The following DNAH9 variants were observed in gnomAD, a reference collection of about 807,000 sequenced individuals.
DNAH9 encodes the protein DNAH9 variant protein.
A neutral mutation model predicts 471.6 loss-of-function variants in DNAH9; 345 were observed. That is an observed-to-expected ratio of 0.73 (90% CI 0.67 to 0.80). The LOEUF is 0.80. DNAH9 is among the 30% of genes least tolerant of loss of function. The pLI, the probability that DNAH9 is intolerant of heterozygous loss-of-function variation, is 0.00. For synonymous variants in DNAH9, 2,093 were observed against 2,123.6 expected, an observed-to-expected ratio of 0.99 and a Z score of 0.40; for missense variants, 5,407 against 5,609.2, an observed-to-expected ratio of 0.96 and a Z score of 1.15.
intron 61 of DNAH9, among the ~76,000 whole-genome samples, chr17:11,907,341 A>C (rs1243937758): frequency 6.6e-6 from 1 of 152,042 alleles, no homozygotes; most frequent in Non-Finnish European, 1.5e-5. Context: ...ATGGTGGTGC[A>C]TGCCTGTAAT....
At chr17:11,643,546 T>A (rs907518684) in intron 10 of DNAH9, among the ~76,000 whole-genome samples, 57 of 152,234 alleles carry the variant, frequency 3.7e-4, no homozygotes, top group African/African-American at 1.4e-3. Context: ...GAGAAATATA[T>A]CCTTAGGCAA....
At chr17:11,723,529 G>C (rs1353037417) in intron 27 of DNAH9, 1 of 152,094 alleles carries the variant, frequency 6.6e-6, no homozygotes, top group Non-Finnish European at 1.5e-5. Flanking sequence ...CAGGCCCTGG[G>C]GTGGGGGGGA....
chr17:11,897,113 G>C (rs1973246330), intron 59 of DNAH9, among the ~76,000 whole-genome samples: 1 of 152,152 alleles, frequency 6.6e-6, no homozygotes, highest in African/African-American at 2.4e-5. Context: ...ATTAATTTTA[G>C]CAAGATATTT....
chr17:11,776,850 CACTG>C (rs760204990), intron 38 of DNAH9, among the ~76,000 whole-genome samples: 5 of 152,108 alleles, frequency 3.3e-5, no homozygotes, highest in Non-Finnish European at 7.4e-5. Flanking sequence ...AGGTTCATAA[CACTG>C]ACACCTCAAG....
intron 11 of DNAH9, among the ~76,000 whole-genome samples, chr17:11,645,879 C>CTTTTTTTTTTTTTT (rs760279719): frequency 4.2e-5 from 3 of 70,614 alleles, no homozygotes; most frequent in Admixed American, 1.3e-4. Context: ...TTTTCTTTTT[C>CTTTTTTTTTTTTTT]TTTTTTTTTT....
At chr17:11,667,168 C>T (rs993139588) in intron 15 of DNAH9, among the ~76,000 whole-genome samples, 9 of 152,018 alleles carry the variant, frequency 5.9e-5, no homozygotes, top group African/African-American at 7.2e-5. Context: ...TTTTGAATTC[C>T]GTAAACTATA....
intron 14 of DNAH9, among the ~76,000 whole-genome samples, chr17:11,658,344 T>C (rs1316785651): frequency 6.6e-6 from 1 of 152,184 alleles, no homozygotes; most frequent in East Asian, 1.9e-4. Flanking sequence ...ACAAGCATCA[T>C]TGATTTTTAC....
At chr17:11,953,624 A>C (rs1975492455) in intron 67 of DNAH9, among the ~76,000 whole-genome samples, 1 of 152,068 alleles carries the variant, frequency 6.6e-6, no homozygotes, top group Non-Finnish European at 1.5e-5. Context: ...ATCCTGGCTA[A>C]CGTGGTGAAA....
intron 59 of DNAH9, among the ~76,000 whole-genome samples, chr17:11,894,972 A>G (rs1461360834): frequency 2.6e-5 from 4 of 152,196 alleles, no homozygotes; most frequent in African/African-American, 9.6e-5. Flanking sequence ...TTATCTATTG[A>G]GTGCCTTGGA....
intron 67 of DNAH9, among the ~76,000 whole-genome samples, chr17:11,944,221 G>A (rs1345204050): frequency 3.9e-5 from 6 of 152,204 alleles, no homozygotes; most frequent in Admixed American, 3.9e-4. Flanking sequence ...GTGCAGAGGA[G>A]ATTGGAAAGG....
At chr17:11,894,603 G>C in intron 59 of DNAH9, 107 bp downstream of exon 59, 12 of 1,461,064 alleles carry the variant, frequency 8.2e-6, no homozygotes, top group Non-Finnish European at 1.1e-5. Flanking sequence ...TTCAAGCATG[G>C]AGCTGTGTTA....
rs146479139 is a variant in DNAH9, at chr17:11,632,681, C to T, written c.1613C>T (p.Pro538Leu). Residue 538 changes from proline (P) to leucine (L), a missense_variant, in exon 8 of 69, where the codon CCT (proline) becomes CTT (leucine). Coordinates refer to ENST00000262442, the MANE Select transcript of DNAH9 (RefSeq NM_001372.4). Reference protein sequence around the residue: ...TIFIQAFDDAPGLEHAFKLLD... With the variant: ...TIFIQAFDDALGLEHAFKLLD... ...TTTATTCAAGCTTTTGATGATGCAC[C>T]TGGCTTGGAGCATGCCTTTAAGGTT... 23 of 1,599,308 alleles carry T rather than the reference C, an allele frequency of 1.4e-5. No homozygotes were observed. The highest frequency in any genetic ancestry group is 1.5e-5 in the Non-Finnish European group (18 of 1,166,530).
At chr17:11,799,829 C>T (rs1048768387) in intron 43 of DNAH9, among the ~76,000 whole-genome samples, 2 of 152,184 alleles carry the variant, frequency 1.3e-5, no homozygotes, top group East Asian at 3.9e-4. Flanking sequence ...AGGTGATCCA[C>T]CCGCCTTGGA....
At chr17:11,862,664 C>T (rs1035029898) in intron 50 of DNAH9, among the ~76,000 whole-genome samples, 3 of 152,156 alleles carry the variant, frequency 2.0e-5, no homozygotes, top group Non-Finnish European at 4.4e-5. Flanking sequence ...ATGGAATATT[C>T]TTCCATTTGT....
Position 11,962,143 on chromosome 17 carries a change from A to T in DNAH9, c.13120A>T (p.Met4374Leu). ...CAAGAATGAGTGGCCACTGGACCAG[A>T]TGGCCCTGCAATGTGACATGACGAA... is the stretch of plus-strand genomic sequence containing the variant. ...ARKNEWPLDQ[M>L]ALQCDMTKKN... The change falls in exon 68 of 69, where the codon ATG (methionine) becomes TTG (leucine). Residue 4374 changes from methionine (M) to leucine (L), a missense_variant. Physicochemically the swap from Met to Leu is conservative, Grantham distance 15. Transcript: ENST00000262442. The surrounding 1 kb of genome is among the most constrained non-coding windows in gnomAD (Gnocchi z 4.1). 6.2e-7 allele frequency: 1 copy of T among 1,614,158 alleles called. No homozygotes were observed. The highest frequency in any genetic ancestry group is 8.5e-7 in the Non-Finnish European group (1 of 1,180,044).
chr17:11,774,556 A>G (rs530337445), intron 38 of DNAH9, among the ~76,000 whole-genome samples: 1 of 152,240 alleles, frequency 6.6e-6, no homozygotes, highest in East Asian at 1.9e-4. Flanking sequence ...AAAGCCATCA[A>G]ATCTCATGAG....
chr17:11,783,530 G>A (rs1370375197), intron 39 of DNAH9, 116 bp from the exon 40 acceptor site: 2 of 673,238 alleles, frequency 3.0e-6, no homozygotes, highest in African/African-American at 3.6e-5. Flanking sequence ...GGTGGATCTA[G>A]ACTTTTTTAT....
chr17:11,638,190 C>T (rs9896319), intron 9 of DNAH9, among the ~76,000 whole-genome samples: 58,606 of 151,972 alleles, frequency 0.39, 11,609 homozygotes, highest in South Asian at 0.53. Context: ...GTAGGTTTCA[C>T]GGTGAGGTCA....
intron 9 of DNAH9, among the ~76,000 whole-genome samples, chr17:11,637,177 T>C (rs567843991): frequency 6.6e-6 from 1 of 152,212 alleles, no homozygotes; most frequent in Non-Finnish European, 1.5e-5. Flanking sequence ...ATAGCAACCA[T>C]GCTTCTGGTG....
Sources: allele counts gnomAD v4.1 joint callset (sites outside exome capture counted in the v4.1 genomes callset), GRCh38; gene constraint gnomAD v4.1.1; non-coding constraint Gnocchi (gnomAD v3.1); transcripts MANE v1.5; gene names NCBI Gene and HGNC (gene_info 2026-07-23, HGNC 2026-07-21).